Variants in SNTG1 observed in about 807,000 individuals in gnomAD.
SNTG1 encodes gamma-1-syntrophin.
In SNTG1, 39 loss-of-function variants were observed where a neutral mutation model predicts 74.7. The observed-to-expected ratio is 0.52, with a 90% CI of 0.40 to 0.68. SNTG1 has a LOEUF of 0.68. Ranked by LOEUF, SNTG1 falls within the 30% of genes least tolerant of loss-of-function variation. The pLI is 0.00. For missense variants in SNTG1, 685 were observed against 609.5 expected, an observed-to-expected ratio of 1.12 and a Z score of -1.30; for synonymous variants, 254 against 217.1, an observed-to-expected ratio of 1.17 and a Z score of -1.49.
chr8:50,341,544 T>C (rs2091318508), intron 2 of SNTG1, among the ~76,000 whole-genome samples: 1 of 151,914 alleles, frequency 6.6e-6, no homozygotes, highest in African/African-American at 2.4e-5. Context: ...GAAATGAAAT[T>C]AGGGGAAGAT....
At chr8:50,598,043 G>T (rs1192967587) in intron 13 of SNTG1, among the ~76,000 whole-genome samples, 1 of 150,668 alleles carries the variant, frequency 6.6e-6, no homozygotes, top group African/African-American at 2.4e-5. Context: ...TCGTTTGTTT[G>T]TTTTTGTTTT....
intron 9 of SNTG1, among the ~76,000 whole-genome samples, chr8:50,512,032 A>C (rs1403651467): frequency 6.6e-6 from 1 of 151,958 alleles, no homozygotes; most frequent in African/African-American, 2.4e-5. Flanking sequence ...ACAATTTGGC[A>C]TGTTTTTGCA....
intron 11 of SNTG1, among the ~76,000 whole-genome samples, chr8:50,540,416 A>G (rs1196445448): frequency 6.6e-6 from 1 of 152,078 alleles, no homozygotes; most frequent in Non-Finnish European, 1.5e-5. Context: ...TACTCAGCAT[A>G]TACGTTATTT....
chr8:50,094,150 A>G (rs564427325), intron 1 of SNTG1, among the ~76,000 whole-genome samples: 1 of 152,190 alleles, frequency 6.6e-6, no homozygotes, highest in Non-Finnish European at 1.5e-5. Context: ...GAAGAAGTAG[A>G]TAAGTAGCAC....
rs1805598354 is a variant in SNTG1, at chr8:49,911,713, G to A, written c.-621G>A. 1.3e-5 allele frequency: 2 copies of A among 152,352 alleles called. No individual in the cohort carries two copies. Among genetic ancestry groups the A allele is most frequent in the Non-Finnish European group, 2.9e-5 (2 of 68,066 alleles). 9.4% of individuals were successfully genotyped at this position (152,352 alleles called of 1,614,324 possible). On this transcript the variant is annotated 5_prime_UTR_variant, in exon 1 of 19. An upstream start codon of the reference 5' UTR is lost. Transcript: ENST00000642720. The stretch of plus-strand genomic sequence containing the variant: ...CCCTTACTTCAGCACCAGAGGGGAT[G>A]GACAGCGTCTCCGGACTGAGCTGCA...
At chr8:50,188,459 C>T (rs1437083427) in intron 2 of SNTG1, among the ~76,000 whole-genome samples, 2 of 152,096 alleles carry the variant, frequency 1.3e-5, no homozygotes, top group South Asian at 2.1e-4. Context: ...TCAGACAGTA[C>T]GTGCACATCA....
At chr8:50,150,315 A>G (rs1229977189) in intron 1 of SNTG1, among the ~76,000 whole-genome samples, 3 of 152,076 alleles carry the variant, frequency 2.0e-5, no homozygotes, top group African/African-American at 4.8e-5. Context: ...GGGTTTTCTA[A>G]ATATACAATC....
intron 1 of SNTG1, among the ~76,000 whole-genome samples, chr8:49,972,587 G>A (rs1157985638): frequency 1.3e-4 from 19 of 151,790 alleles, no homozygotes; most frequent in African/African-American, 4.4e-4. Context: ...GCAACCTACA[G>A]AGTGGAAGAA....
chr8:50,766,248 C>T (rs1259483136), intron 18 of SNTG1, among the ~76,000 whole-genome samples: 1 of 151,964 alleles, frequency 6.6e-6, no homozygotes, highest in Non-Finnish European at 1.5e-5. Flanking sequence ...CTATTTCTTG[C>T]TCTGATCTCT....
At chr8:50,691,424 G>C (rs2095378740) in intron 15 of SNTG1, among the ~76,000 whole-genome samples, 1 of 152,156 alleles carries the variant, frequency 6.6e-6, no homozygotes, top group African/African-American at 2.4e-5. Flanking sequence ...TCCTTCAAGA[G>C]CTCTTTTAGT....
chr8:50,113,157 G>T (rs1325455706), intron 1 of SNTG1, among the ~76,000 whole-genome samples: 5 of 152,126 alleles, frequency 3.3e-5, no homozygotes, highest in African/African-American at 1.2e-4. Context: ...CTAGCTTGAT[G>T]GGGATGGCAT....
chr8:50,273,187 T>C (rs1352351361), intron 2 of SNTG1, among the ~76,000 whole-genome samples: 1 of 152,202 alleles, frequency 6.6e-6, no homozygotes, highest in Non-Finnish European at 1.5e-5. Flanking sequence ...TTAACAAATC[T>C]TAGGATGTTA....
At position 50,739,820 on chromosome 8, in the gene SNTG1, C is replaced by T. The variant is rs1004272455; in HGVS notation, c.1285-12181C>T. ...AGAATGGGGAACCCAGAAATAAGAC[C>T]ATACACCTACAACTATTTCATCTTT... is the stretch of plus-strand genomic sequence containing the variant. On this transcript the variant is annotated intron_variant, in intron 17 of 18. Transcript: ENST00000642720. Among the ~76,000 whole-genome samples, 11 of 152,042 alleles carry T rather than the reference C, an allele frequency of 7.2e-5. No individual in the cohort carries two copies. In the South Asian group the frequency reaches 2.3e-3, roughly 32 times the overall value.
intron 2 of SNTG1, among the ~76,000 whole-genome samples, chr8:50,230,048 G>T (rs558463811): frequency 6.6e-6 from 1 of 151,454 alleles, no homozygotes; most frequent in East Asian, 1.9e-4. Flanking sequence ...AAATGACAAT[G>T]CAACTTATCA....
intron 2 of SNTG1, among the ~76,000 whole-genome samples, chr8:50,358,763 C>T (rs2091884796): frequency 6.6e-6 from 1 of 152,096 alleles, no homozygotes. Context: ...AAATTAGAAT[C>T]TTGTACTAAG....
intron 4 of SNTG1, among the ~76,000 whole-genome samples, chr8:50,408,551 G>A (rs2092908592): frequency 6.6e-6 from 1 of 152,148 alleles, no homozygotes; most frequent in African/African-American, 2.4e-5. Flanking sequence ...ACCAAGGCAG[G>A]AGAGGGTGCC....
intron 17 of SNTG1, among the ~76,000 whole-genome samples, chr8:50,739,631 G>A (rs114344724): frequency 6.6e-6 from 1 of 151,850 alleles, no homozygotes; most frequent in African/African-American, 2.4e-5. Flanking sequence ...TGGATTGTTG[G>A]GTGCAGCAAA....
intron 12 of SNTG1, among the ~76,000 whole-genome samples, chr8:50,570,370 T>C (rs2094541467): frequency 6.7e-6 from 1 of 148,504 alleles, no homozygotes; most frequent in Non-Finnish European, 1.5e-5. Flanking sequence ...GCGATTCTCC[T>C]GTCTCAGCCT....
chr8:50,123,450 C>G (rs2081055793), intron 1 of SNTG1, among the ~76,000 whole-genome samples: 1 of 142,122 alleles, frequency 7.0e-6, no homozygotes, highest in Admixed American at 7.2e-5. Context: ...TTACACTCAG[C>G]TAAAATTATA....
Sources: gnomAD v4.1 joint callset for allele counts (sites outside exome capture counted in the v4.1 genomes callset) on GRCh38, gnomAD v4.1.1 for gene constraint, MANE v1.5 for transcripts, NCBI Gene and HGNC (gene_info 2026-07-23, HGNC 2026-07-21) for gene names.